SLC30A10: variants seen among roughly 807,000 people sequenced by gnomAD.
SLC30A10 encodes the protein calcium/manganese antiporter SLC30A10.
SLC30A10 carries 8 observed loss-of-function variants against 21.7 expected under a neutral mutation model. The observed-to-expected ratio is 0.37, with a 90% CI of 0.22 to 0.67. The LOEUF (loss-of-function observed/expected upper bound fraction) is 0.67. Among genes scored for constraint, SLC30A10 ranks in the 30% least tolerant of loss-of-function variants. SLC30A10 has a pLI of 0.58. For missense variants in SLC30A10, 521 were observed against 642.5 expected (o/e 0.81, Z 2.04); for synonymous variants, 272 against 279.4 (o/e 0.97, Z 0.26).
chr1:219,929,570 G>T (rs1280832374), upstream of SLC30A10, among the ~76,000 whole-genome samples: 1 of 151,956 alleles, frequency 6.6e-6, no homozygotes, highest in Non-Finnish European at 1.5e-5. Context: ...GCCCAGGCTG[G>T]AGTGCAATGG....
chr1:219,939,538 T>A (rs1660091180), intron 1 of SLC30A10, among the ~76,000 whole-genome samples: 1 of 152,112 alleles, frequency 6.6e-6, no homozygotes, highest in Non-Finnish European at 1.5e-5. Context: ...CAAGTGATTC[T>A]CCTGCCTCAG....
At chr1:219,936,476 T>C (rs1660046775) in intron 1 of SLC30A10, among the ~76,000 whole-genome samples, 1 of 152,138 alleles carries the variant, frequency 6.6e-6, no homozygotes, top group South Asian at 2.1e-4. Flanking sequence ...TCCTGTTCCC[T>C]TTGTCCCCTT....
At chr1:219,927,398 G>T (rs995923815) in intron 1 of SLC30A10, among the ~76,000 whole-genome samples, 4 of 152,028 alleles carry the variant, frequency 2.6e-5, no homozygotes, top group East Asian at 1.9e-4. Flanking sequence ...GGGCAAAGAG[G>T]GGGGGAGAAC....
At chr1:219,939,409 A>G (rs535958855) in intron 1 of SLC30A10, among the ~76,000 whole-genome samples, 1 of 152,138 alleles carries the variant, frequency 6.6e-6, no homozygotes, top group East Asian at 1.9e-4. Context: ...TGTGGAGGGC[A>G]GGTCATGGGT....
intron 1 of SLC30A10, among the ~76,000 whole-genome samples, chr1:219,946,315 G>A (rs574051528): frequency 2.6e-5 from 4 of 152,276 alleles, no homozygotes. Flanking sequence ...GTCATTGAGG[G>A]TATCTAAATT....
At chr1:219,940,077 T>G (rs1291810962) in intron 1 of SLC30A10, among the ~76,000 whole-genome samples, 3 of 152,222 alleles carry the variant, frequency 2.0e-5, no homozygotes, top group African/African-American at 4.8e-5. Flanking sequence ...TCTATGTGCT[T>G]GACACTCCTT....
At chr1:219,916,315 C>A (rs1301697004) in intron 3 of SLC30A10, among the ~76,000 whole-genome samples, 1 of 152,152 alleles carries the variant, frequency 6.6e-6, no homozygotes, top group African/African-American at 2.4e-5. Flanking sequence ...CCTTTCCTAG[C>A]AATTCTAGTA....
intron 2 of SLC30A10, among the ~76,000 whole-genome samples, chr1:219,920,377 A>C (rs961656315): frequency 6.6e-6 from 1 of 152,132 alleles, no homozygotes; most frequent in African/African-American, 2.4e-5. Flanking sequence ...AAAAATATGA[A>C]AGCCTAATAT....
upstream of SLC30A10, among the ~76,000 whole-genome samples, chr1:219,930,125 T>G (rs1659945003): frequency 6.6e-6 from 1 of 151,812 alleles, no homozygotes; most frequent in African/African-American, 2.4e-5. Context: ...AGTTTTGGCT[T>G]AGAAATGAAT....
intron 1 of SLC30A10, among the ~76,000 whole-genome samples, chr1:219,938,264 G>T (rs920320056): frequency 6.6e-6 from 1 of 152,160 alleles, no homozygotes; most frequent in African/African-American, 2.4e-5. Flanking sequence ...CAATGGAGCT[G>T]CCCAGTGCAG....
intron 3 of SLC30A10, among the ~76,000 whole-genome samples, chr1:219,917,096 G>T (rs962426269): frequency 1.3e-5 from 2 of 150,374 alleles, no homozygotes; most frequent in Non-Finnish European, 3.0e-5. Context: ...TCAGCCTACT[G>T]AGTAGCTGGG....
At chr1:219,951,392 TA>T (rs1660268954) in intron 1 of SLC30A10, among the ~76,000 whole-genome samples, 1 of 152,134 alleles carries the variant, frequency 6.6e-6, no homozygotes, top group Non-Finnish European at 1.5e-5. Flanking sequence ...TTTTTTAAGT[TA>T]ATTTATTGTG....
chr1:219,957,025 C>T (rs991236863), intron 1 of SLC30A10, among the ~76,000 whole-genome samples: 2 of 152,046 alleles, frequency 1.3e-5, no homozygotes, highest in Non-Finnish European at 2.9e-5. Flanking sequence ...TAAATTTATA[C>T]CTAGCAATAA....
At chr1:219,947,307 T>C (rs1289592783) in intron 1 of SLC30A10, among the ~76,000 whole-genome samples, 1 of 152,158 alleles carries the variant, frequency 6.6e-6, no homozygotes, top group African/African-American at 2.4e-5. Flanking sequence ...GGTGGAAGGA[T>C]TGCTTGAGGG....
At chr1:219,937,170 A>G (rs1197487887) in intron 1 of SLC30A10, among the ~76,000 whole-genome samples, 1 of 152,198 alleles carries the variant, frequency 6.6e-6, no homozygotes, top group Non-Finnish European at 1.5e-5. Context: ...CTGTATAGAC[A>G]TCTCATCATT....
intron 1 of SLC30A10, among the ~76,000 whole-genome samples, chr1:219,940,068 CTA>C (rs1250279588): frequency 2.6e-5 from 4 of 152,224 alleles, no homozygotes; most frequent in African/African-American, 9.6e-5. Flanking sequence ...AAGGCCGACT[CTA>C]TGTGCTTGAC....
At chr1:219,943,074 A>G (rs959388119) in intron 1 of SLC30A10, among the ~76,000 whole-genome samples, 4 of 152,178 alleles carry the variant, frequency 2.6e-5, no homozygotes, top group Non-Finnish European at 4.4e-5. Context: ...ATCATGAAAT[A>G]CACAAAATGT....
At chr1:219,946,570 G>C (rs1391507175) in intron 1 of SLC30A10, among the ~76,000 whole-genome samples, 1 of 152,106 alleles carries the variant, frequency 6.6e-6, no homozygotes, top group African/African-American at 2.4e-5. Flanking sequence ...CATGTAAGTA[G>C]TCACTCTGAG....
In SLC30A10 at chr1:219,918,374, T is replaced by C. The variant is rs1253306360; in HGVS notation, c.839A>G (p.Asp280Gly). ...GACCATGAGGACAGTCAGGCTGGGGTCAATGTAACACTGCCAGTTACACGG... is the reference window on the plus strand; with the variant it reads ...GACCATGAGGACAGTCAGGCTGGGGCCAATGTAACACTGCCAGTTACACGG... ...EDPCNWQCYI[D>G]PSLTVLMVII... is the part of the protein sequence containing the mutation. Residue 280 changes from aspartate (D) to glycine (G), a missense_variant, in exon 3 of 4, where the codon GAC becomes GGC. By Grantham distance (94) the Asp-to-Gly change is moderately conservative. Coordinates refer to ENST00000366926, the MANE Select transcript of SLC30A10 (RefSeq NM_018713.3). This position sits in a 1 kb window ranked among gnomAD's most constrained non-coding sequence, Gnocchi z 4.4. The C allele has an allele frequency of 6.2e-7, 1 of 1,613,918 alleles. No individual in the cohort carries two copies. Among genetic ancestry groups the C allele is most frequent in the South Asian group, 1.1e-5 (1 of 91,066 alleles).
Sources: allele counts gnomAD v4.1 joint callset (sites outside exome capture counted in the v4.1 genomes callset), GRCh38; gene constraint gnomAD v4.1.1; non-coding constraint Gnocchi (gnomAD v3.1); transcripts MANE v1.5; gene names NCBI Gene and HGNC (gene_info 2026-07-23, HGNC 2026-07-21).